Variants in HDAC11 observed in about 807,000 individuals in gnomAD.
HDAC11 encodes histone deacetylase 11.
In HDAC11, 23 loss-of-function variants were observed where a neutral mutation model predicts 41.1. The observed-to-expected ratio is 0.56, with a 90% CI of 0.40 to 0.79. The LOEUF (loss-of-function observed/expected upper bound fraction) is 0.79, where lower values mean the gene tolerates loss of function less well. Among genes scored for constraint, HDAC11 ranks in the 30% least tolerant of loss-of-function variants. The probability of loss-of-function intolerance (pLI) is 0.00; values close to 1 mark genes in which losing one functional copy is unlikely to be tolerated. For synonymous variants in HDAC11, 187 were observed against 186.6 expected (o/e 1.00, Z -0.02); for missense variants, 402 against 477.3 (o/e 0.84, Z 1.47).
chr3:13,498,121 G>A (rs572881532), intron 4 of HDAC11, among the ~76,000 whole-genome samples: 43 of 152,258 alleles, frequency 2.8e-4, no homozygotes, highest in African/African-American at 9.1e-4. Context: ...CTCCCAAAGT[G>A]CTGGGATTAC....
Position 13,504,197 on chromosome 3 carries a change from C to A in HDAC11, c.753C>A (p.Pro251=). The A allele has an allele frequency of 6.2e-7, 1 of 1,613,912 alleles. No individual in the cohort carries two copies. Among genetic ancestry groups the A allele is most frequent in the Non-Finnish European group, 8.5e-7 (1 of 1,180,012 alleles). ...AGAAATCCCTCCAGGAGCACCTGCC[C>A]GACGTGGTGGTATACAATGCAGGCA... is the stretch of plus-strand genomic sequence containing the variant. ...NIKKSLQEHL[P]DVVVYNAGTD... Residue 251 remains proline (P), a synonymous_variant, in exon 9 of 10, where the codon CCC becomes CCA. Coordinates refer to ENST00000295757, the MANE Select transcript of HDAC11 (RefSeq NM_024827.4).
chr3:13,496,536 T>C (rs1702103377), intron 3 of HDAC11, 200 bp from the exon 4 acceptor site: 3 of 524,312 alleles, frequency 5.7e-6, no homozygotes, highest in South Asian at 4.9e-5. Flanking sequence ...AACTGCTCTT[T>C]ACTGAGCCCA....
intron 3 of HDAC11, among the ~76,000 whole-genome samples, chr3:13,489,749 G>A (rs1701760687): frequency 6.6e-6 from 1 of 152,020 alleles, no homozygotes; most frequent in Non-Finnish European, 1.5e-5. Context: ...GTGTTTCTTG[G>A]TAGAGATGGG....
chr3:13,483,721 C>G lies in HDAC11; in HGVS notation c.252+157C>G, dbSNP rs539065799. Among the ~76,000 whole-genome samples, 1,074 of 152,040 alleles carry G rather than the reference C, an allele frequency of 7.1e-3. 8 individuals carry two copies. Among genetic ancestry groups the G allele is most frequent in the Non-Finnish European group, 0.013 (861 of 67,988 alleles). On this transcript the variant is annotated intron_variant, in intron 3 of 9. Coordinates refer to ENST00000295757, the MANE Select transcript of HDAC11 (RefSeq NM_024827.4). ...TGGAGGAACATGGGAGTCTGTGGTC[C>G]CCAAGAGAAGGAGAGAGGTCATAAA...
rs1045989601 is a variant in HDAC11 at position 13,502,615 on chromosome 3, G to C, written c.553-269G>C. 1.0e-5 allele frequency: 4 copies of C among 397,050 alleles called. No homozygotes were observed. The highest frequency in any genetic ancestry group is 8.0e-5 in the South Asian group (3 of 37,380). The allele number at this position is 397,050 out of a possible 1,614,324, so 24.6% of individuals were successfully genotyped here. On this transcript the variant is annotated intron_variant, in intron 7 of 9. Transcript: ENST00000295757. The surrounding 1 kb of genome is among the most constrained non-coding windows in gnomAD (Gnocchi z 4.1). ...CCTGATCCCAACCAGTCCCACCACA[G>C]ACTTGAGAGGGTGGCAGAGCGGGAT...
intron 2 of HDAC11, among the ~76,000 whole-genome samples, chr3:13,483,101 G>T (rs1286401363): frequency 6.6e-6 from 1 of 151,702 alleles, no homozygotes; most frequent in African/African-American, 2.4e-5. Context: ...GCGGGGGGAA[G>T]GTGGAGGGGG....
intron 3 of HDAC11, among the ~76,000 whole-genome samples, chr3:13,483,790 C>T (rs1701433867): frequency 6.6e-6 from 1 of 152,138 alleles, no homozygotes; most frequent in Non-Finnish European, 1.5e-5. Flanking sequence ...AGGGTGGTGT[C>T]CTCCCCTTCT....
chr3:13,490,893 G>C (rs1350167600), intron 3 of HDAC11, among the ~76,000 whole-genome samples: 1 of 151,680 alleles, frequency 6.6e-6, no homozygotes, highest in African/African-American at 2.4e-5. Context: ...TGGGACTGCA[G>C]GTGCATGCCA....
intron 3 of HDAC11, among the ~76,000 whole-genome samples, chr3:13,493,471 C>T (rs990812030): frequency 2.0e-4 from 30 of 152,224 alleles, no homozygotes; most frequent in African/African-American, 7.0e-4. Flanking sequence ...TCTGTGCAGT[C>T]CAGTCGCCAC....
Position 13,481,271 on chromosome 3 carries a change from C to T in HDAC11, c.28C>T (p.His10Tyr). The T allele has an allele frequency of 6.2e-7, 1 of 1,612,476 alleles. No individual in the cohort carries two copies. The highest frequency in any genetic ancestry group is 8.5e-7 in the Non-Finnish European group (1 of 1,179,966). The change falls in exon 2 of 10, where the codon CAT becomes TAT. Residue 10 changes from histidine (H) to tyrosine (Y), a missense_variant. By Grantham distance (83) the His-to-Tyr change is moderately conservative (BLOSUM62 2). Transcript: ENST00000295757. ...GCTACACACAACCCAGCTGTACCAG[C>T]ATGTGCCAGAGACACGCTGGCCAAT... Reference protein sequence around the residue: MLHTTQLYQHVPETRWPIVY... With the variant: MLHTTQLYQYVPETRWPIVY...
intron 3 of HDAC11, among the ~76,000 whole-genome samples, chr3:13,488,921 GTT>G (rs61601998): frequency 2.0e-5 from 3 of 146,616 alleles, no homozygotes; most frequent in African/African-American, 7.5e-5. Context: ...ATTTTCTGGT[GTT>G]TTTTTTTTTC....
intron 3 of HDAC11, among the ~76,000 whole-genome samples, chr3:13,493,982 G>T (rs184329920): frequency 4.0e-4 from 61 of 152,352 alleles, no homozygotes; most frequent in East Asian, 2.3e-3. Context: ...TGACATCTGG[G>T]GGGAGCAAAG....
At chr3:13,484,275 T>C (rs1312109460) in intron 3 of HDAC11, among the ~76,000 whole-genome samples, 2 of 152,174 alleles carry the variant, frequency 1.3e-5, no homozygotes, top group African/African-American at 4.8e-5. Context: ...ATTTTTTATA[T>C]TGGGCTGAAG....
chr3:13,496,705 G>T, intron 3 of HDAC11, 31 bp from the exon 4 acceptor site: 2 of 1,461,512 alleles, frequency 1.4e-6, no homozygotes, highest in Non-Finnish European at 1.9e-6. Context: ...GTGGGGAAGC[G>T]GAGGCCAACA....
intron 3 of HDAC11, 22 bp downstream of exon 3, chr3:13,483,586 G>C (rs745950221): frequency 2.5e-6 from 4 of 1,590,566 alleles, no homozygotes; most frequent in Non-Finnish European, 3.4e-6. Flanking sequence ...CGGGCCTGGG[G>C]GGCTGCGGGC....
intron 3 of HDAC11, among the ~76,000 whole-genome samples, chr3:13,488,938 C>A (rs959825788): frequency 6.6e-6 from 1 of 151,900 alleles, no homozygotes; most frequent in African/African-American, 2.4e-5. Context: ...TTTTTCCCCC[C>A]CAGTGTGGCC....
intron 8 of HDAC11, among the ~76,000 whole-genome samples, chr3:13,503,726 TCAG>T (rs1418873601): frequency 6.6e-6 from 1 of 152,164 alleles, no homozygotes; most frequent in Non-Finnish European, 1.5e-5. Context: ...TGTGGATAAG[TCAG>T]CAGCTAGTAT....
At chr3:13,496,948 T>C (rs878882137) in intron 4 of HDAC11, 96 bp downstream of exon 4, 3 of 573,018 alleles carry the variant, frequency 5.2e-6, no homozygotes, top group South Asian at 5.1e-5. Flanking sequence ...TCCCACTTAG[T>C]AGTTGAACAG....
chr3:13,494,635 C>T (rs959727944), intron 3 of HDAC11, among the ~76,000 whole-genome samples: 4 of 152,298 alleles, frequency 2.6e-5, no homozygotes, highest in East Asian at 1.9e-4. Flanking sequence ...AGTGGTGCCC[C>T]GTGGGCACCT....
Sources: gnomAD v4.1 joint callset for allele counts (sites outside exome capture counted in the v4.1 genomes callset) on GRCh38, gnomAD v4.1.1 for gene constraint, Gnocchi (gnomAD v3.1) non-coding constraint, MANE v1.5 for transcripts, NCBI Gene and HGNC (gene_info 2026-07-23, HGNC 2026-07-21) for gene names.